The following ATP13A2 variants were observed in gnomAD, a reference collection of about 807,000 sequenced individuals.
ATP13A2 encodes the protein ATPase cation transporting 13A2, also known as polyamine-transporting ATPase 13A2.
Under a neutral mutation model 138.3 loss-of-function variants are expected in ATP13A2, and 83 were observed. The ratio of observed to expected loss-of-function variants is 0.60; its 90% CI spans 0.50 to 0.72. The LOEUF (loss-of-function observed/expected upper bound fraction) is 0.72, where lower values mean the gene tolerates loss of function less well. Ranked by LOEUF, ATP13A2 falls within the 30% of genes least tolerant of loss-of-function variation. ATP13A2 has a pLI of 0.00. For synonymous variants in ATP13A2, 663 were observed against 699.0 expected, an observed-to-expected ratio of 0.95 and a Z score of 0.81; for missense variants, 1,402 against 1,606.4, an observed-to-expected ratio of 0.87 and a Z score of 2.17.
chr1:17,005,178 T>C (rs551068323), intron 3 of ATP13A2, 106 bp from the exon 4 acceptor site: 232 of 1,538,258 alleles, frequency 1.5e-4, no homozygotes, highest in Middle Eastern at 5.1e-4. Context: ...ATCAAGGCTA[T>C]GGAGAGCCCT....
At chr1:17,001,367 G>A (rs535159972) in intron 8 of ATP13A2, among the ~76,000 whole-genome samples, 4 of 151,716 alleles carry the variant, frequency 2.6e-5, no homozygotes, top group South Asian at 4.2e-4. Context: ...GGTGGACATC[G>A]CAGTGAGCCG....
chr1:16,998,452 C>T (rs900812739), intron 11 of ATP13A2, among the ~76,000 whole-genome samples: 9 of 152,130 alleles, frequency 5.9e-5, no homozygotes, highest in African/African-American at 2.2e-4. Context: ...GCAATCCACC[C>T]ACCTCTGCCT....
chr1:16,999,904 A>G, intron 11 of ATP13A2, 107 bp downstream of exon 11: 2 of 1,435,020 alleles, frequency 1.4e-6, no homozygotes, highest in South Asian at 1.5e-5. Flanking sequence ...CCGTCTCACA[A>G]AAAAACAAAA....
At chr1:16,996,880 A>G (rs1199068850) in intron 12 of ATP13A2, 140 bp downstream of exon 12, 4 of 1,100,858 alleles carry the variant, frequency 3.6e-6, no homozygotes, top group Non-Finnish European at 5.3e-6. Context: ...ATGGGGGGCA[A>G]CTGGCCCGAG....
intron 6 of ATP13A2, 43 bp from the exon 7 acceptor site, chr1:17,002,416 G>A (rs2077395246): frequency 3.1e-6 from 5 of 1,594,704 alleles, no homozygotes; most frequent in South Asian, 1.1e-5. Context: ...CATGGGGCCT[G>A]AGGTCTGCAT....
rs2077076263 is a variant in ATP13A2, at chr1:16,995,217, G to A, written c.1542+759C>T. Reference sequence around the variant, plus strand: ...GGTCACTGAGGGACCTGCTCAGGGGGCTTCCTTGACTGCCTTCTCTCTAAG... The same window carrying A: ...GGTCACTGAGGGACCTGCTCAGGGGACTTCCTTGACTGCCTTCTCTCTAAG... On this transcript the variant is annotated intron_variant, in intron 15 of 28. Transcript: ENST00000326735. This position sits in a 1 kb window ranked among gnomAD's most constrained non-coding sequence, Gnocchi z 4.1. 6.6e-6 allele frequency among the ~76,000 whole-genome samples: 1 copy of A among 152,138 alleles called. No homozygotes were observed. The highest frequency in any genetic ancestry group is 2.4e-5 in the African/African-American group (1 of 41,424).
chr1:17,002,473 C>T lies in ATP13A2; in HGVS notation c.558-100G>A. On this transcript the variant is annotated intron_variant, in intron 6 of 28. Coordinates refer to ENST00000326735, the MANE Select transcript of ATP13A2 (RefSeq NM_022089.4). Reference sequence around the variant, plus strand: ...AGACTATGGGCTCTAGGCCCCCCATCCCCGTTCTGCCACACTGAGCTCCTG... The same window carrying T: ...AGACTATGGGCTCTAGGCCCCCCATTCCCGTTCTGCCACACTGAGCTCCTG... The T allele has an allele frequency of 5.1e-6, 7 of 1,364,670 alleles. No homozygotes were observed. The South Asian group carries it at 7.6e-5, about 15-fold the overall frequency. 84.5% of individuals were successfully genotyped at this position (1,364,670 alleles called of 1,614,324 possible). A position where few individuals can be genotyped will look rare whatever the true frequency, so the allele number is the denominator to read the frequency against.
In ATP13A2 at chr1:17,004,653, C is replaced by T. The variant is rs770068804; in HGVS notation, c.477+39G>A. On this transcript the variant is annotated intron_variant, in intron 5 of 28. Coordinates refer to ENST00000326735, the MANE Select transcript of ATP13A2 (RefSeq NM_022089.4). This position sits in a 1 kb window ranked among gnomAD's most constrained non-coding sequence, Gnocchi z 4.1. ...TCTCCCATTGCACAGATCATGAAAC[C>T]GAGGCCGAGAGAGGGGCAAGGACTT... The T allele has an allele frequency of 1.1e-5, 17 of 1,613,648 alleles. No homozygotes were observed. Among genetic ancestry groups the T allele is most frequent in the Admixed American group, 3.3e-5 (2 of 59,982 alleles).
In ATP13A2 at chr1:16,986,259, G is replaced by A; in HGVS notation, c.3505C>T (p.Gln1169Ter). 2 of 1,607,846 alleles carry A rather than the reference G, an allele frequency of 1.2e-6. No homozygotes were observed. The highest frequency in any genetic ancestry group is 1.7e-6 in the Non-Finnish European group (2 of 1,177,906). ...FKQLERELAEQPWPPLPAGPL... is the reference protein window; with the variant it reads ...FKQLERELAE The stretch of plus-strand genomic sequence containing the variant: ...CCGGCGGGCAGCGGCGGCCAGGGCT[G>A]CTCGGCCAGCTCTCGTTCCAGCTGC... The change falls in exon 29 of 29, where the codon CAG becomes TAG. Residue 1169 changes from glutamine to a stop codon, truncating the protein, a stop_gained. Transcript: ENST00000326735. LOFTEE classifies it high-confidence loss of function. The surrounding 1 kb of genome is among the most constrained non-coding windows in gnomAD (Gnocchi z 6.9).
At chr1:17,010,888 C>CCGG (rs2077759723) in intron 1 of ATP13A2, among the ~76,000 whole-genome samples, 1 of 152,258 alleles carries the variant, frequency 6.6e-6, no homozygotes, top group East Asian at 1.9e-4. Context: ...GCTGTGGTTC[C>CCGG]CGGCGGCGGG....
At position 17,004,592 on chromosome 1, in the gene ATP13A2, A is replaced by G; in HGVS notation, c.477+100T>C. 2 of 1,608,952 alleles carry G rather than the reference A, an allele frequency of 1.2e-6. No individual in the cohort carries two copies. The highest frequency in any genetic ancestry group is 8.5e-7 in the Non-Finnish European group (1 of 1,176,614). ...CAGCATCCTGGATGTTTGGGACAAC[A>G]GAACTAAAAGGTGGTGGGAGAACAT... On this transcript the variant is annotated intron_variant, in intron 5 of 28. Coordinates refer to ENST00000326735, the MANE Select transcript of ATP13A2 (RefSeq NM_022089.4). The surrounding 1 kb of genome is among the most constrained non-coding windows in gnomAD (Gnocchi z 4.1).
chr1:16,990,479 G>A (rs2076891868), intron 20 of ATP13A2, among the ~76,000 whole-genome samples, 192 bp from the exon 21 acceptor site: 2 of 152,178 alleles, frequency 1.3e-5, no homozygotes, highest in Admixed American at 6.6e-5. Context: ...AGGGTCTTAG[G>A]AGAACCTGGA....
At position 16,995,765 on chromosome 1, in the gene ATP13A2, C is replaced by A; in HGVS notation, c.1542+211G>T. 1 of 714,328 alleles carries A rather than the reference C, an allele frequency of 1.4e-6. No individual in the cohort carries two copies. The highest frequency in any genetic ancestry group is 2.4e-6 in the Non-Finnish European group (1 of 408,966). 44.2% of individuals were successfully genotyped at this position (714,328 alleles called of 1,614,324 possible). ...CCGGCCCCCCACCAGTTCTTGAACA[C>A]ATGAATACATGATTCTAGACATTTC... On this transcript the variant is annotated intron_variant, in intron 15 of 28. Coordinates refer to ENST00000326735, the MANE Select transcript of ATP13A2 (RefSeq NM_022089.4). The surrounding 1 kb of genome is among the most constrained non-coding windows in gnomAD (Gnocchi z 4.1).
At chr1:16,988,525 A>C in intron 23 of ATP13A2, 51 bp from the exon 24 acceptor site, 1 of 1,610,190 alleles carries the variant, frequency 6.2e-7, no homozygotes, top group South Asian at 1.1e-5. Context: ...CCACCACCCC[A>C]TGGGTGGGCT....
Position 16,986,528 on chromosome 1 carries a change from T to C in ATP13A2, c.3340A>G (p.Thr1114Ala). 6.2e-7 allele frequency: 1 copy of C among 1,612,542 alleles called. No homozygotes were observed. The highest frequency in any genetic ancestry group is 8.5e-7 in the Non-Finnish European group (1 of 1,179,848). The change falls in exon 28 of 29, where the codon ACC (threonine) becomes GCC (alanine). Residue 1114 changes from threonine (T) to alanine (A), a missense_variant. Thr to Ala is a moderately conservative substitution (Grantham distance 58). Transcript: ENST00000326735. The surrounding 1 kb of genome is among the most constrained non-coding windows in gnomAD (Gnocchi z 6.9). ...CCCAGCAGCAGCAGCTTGAAGCCGG[T>C]GTCAGTGATGTTCCTCAGCGCCAGC... is the stretch of plus-strand genomic sequence containing the variant. ...GPLALRNITD[T>A]GFKLLLLGLV...
chr1:16,993,571 G>T, intron 16 of ATP13A2, 58 bp downstream of exon 16: 1 of 1,470,356 alleles, frequency 6.8e-7, no homozygotes, highest in South Asian at 1.2e-5. Context: ...AAGACAGGGT[G>T]GGATTCGTTA....
rs1229738385 is a variant in ATP13A2, at chr1:17,011,035, G to T, written c.10+694C>A. On this transcript the variant is annotated intron_variant, in intron 1 of 28. Transcript: ENST00000326735. This position sits in a 1 kb window ranked among gnomAD's most constrained non-coding sequence, Gnocchi z 7.3. ...GGGGTGCACTCTAGGCTGTGGGGCT[G>T]GGGGCTGAGTGACAGACACTGAGAT... Among the ~76,000 whole-genome samples the T allele has an allele frequency of 6.6e-6, 1 of 152,124 alleles. No homozygotes were observed. The highest frequency in any genetic ancestry group is 6.5e-5 in the Admixed American group (1 of 15,268).
At chr1:16,988,544 A>T in intron 23 of ATP13A2, 70 bp from the exon 24 acceptor site, 1 of 1,607,670 alleles carries the variant, frequency 6.2e-7, no homozygotes, top group South Asian at 1.1e-5. Flanking sequence ...CTGGCAGAAT[A>T]TGATGACAGC....
In ATP13A2 at chr1:17,000,273, G is replaced by A. The variant is rs144898239; in HGVS notation, c.880C>T (p.Arg294Trp). 41 of 1,403,524 alleles carry A rather than the reference G, an allele frequency of 2.9e-5. No homozygotes were observed. The highest frequency in any genetic ancestry group is 2.0e-4 in the African/African-American group (13 of 64,192). The allele number at this position is 1,403,524 out of a possible 1,614,324, so 86.9% of individuals were successfully genotyped here. Residue 294 changes from arginine to tryptophan, a missense_variant, in exon 10 of 29, where the codon CGG becomes TGG. Physicochemically the swap from Arg to Trp is moderately radical, Grantham distance 101. Transcript: ENST00000326735. ...TLRDMVKLSM[R>W]VCVCRPGGEE... Reference sequence around the variant, plus strand: ...CCCCCTGGCCGGCACACGCACACCCGCATGGACAACTTGACCATGTCCCTT... The same window carrying A: ...CCCCCTGGCCGGCACACGCACACCCACATGGACAACTTGACCATGTCCCTT...
Sources: gnomAD v4.1 joint callset for allele counts (sites outside exome capture counted in the v4.1 genomes callset) on GRCh38, gnomAD v4.1.1 for gene constraint, Gnocchi (gnomAD v3.1) non-coding constraint, MANE v1.5 for transcripts, NCBI Gene and HGNC (gene_info 2026-07-23, HGNC 2026-07-21) for gene names.